SPICE1: variants seen among roughly 807,000 people sequenced by gnomAD.
SPICE1 encodes the protein spindle and centriole-associated protein 1.
SPICE1 carries 75 observed loss-of-function variants against 102.7 expected under a neutral mutation model. That is an observed-to-expected ratio of 0.73 (90% CI 0.61 to 0.88). The LOEUF is 0.88. Ranked by LOEUF, SPICE1 falls within the 40% of genes least tolerant of loss-of-function variation. The probability of loss-of-function intolerance (pLI) is 0.00; values close to 1 mark genes in which losing one functional copy is unlikely to be tolerated. For synonymous variants in SPICE1, 308 were observed against 350.3 expected (o/e 0.88, Z 1.35); for missense variants, 979 against 1,020.1 (o/e 0.96, Z 0.55).
intron 1 of SPICE1, 56 bp from the exon 2 acceptor site, chr3:113,506,661 A>G: frequency 7.3e-7 from 1 of 1,375,522 alleles, no homozygotes; most frequent in Non-Finnish European, 1.0e-6. Flanking sequence ...AATAAGCATC[A>G]CCAGAGTGGG....
intron 12 of SPICE1, among the ~76,000 whole-genome samples, chr3:113,457,589 C>CA (rs1935809252): frequency 6.6e-6 from 1 of 152,116 alleles, no homozygotes; most frequent in South Asian, 2.1e-4. Context: ...ACTAAGGCCT[C>CA]AAAGCCATGA....
chr3:113,495,098 G>C (rs1261577191), intron 4 of SPICE1, among the ~76,000 whole-genome samples: 1 of 152,130 alleles, frequency 6.6e-6, no homozygotes, highest in East Asian at 1.9e-4. Context: ...AACACAAAAA[G>C]TAACATTACA....
chr3:113,471,128 C>G (rs545771073), intron 7 of SPICE1, among the ~76,000 whole-genome samples: 1 of 151,482 alleles, frequency 6.6e-6, no homozygotes, highest in South Asian at 2.1e-4. Flanking sequence ...ACTGGAAGGA[C>G]CATGGTAGGC....
At chr3:113,490,797 A>T (rs1187387578) in intron 6 of SPICE1, among the ~76,000 whole-genome samples, 1 of 152,152 alleles carries the variant, frequency 6.6e-6, no homozygotes, top group Admixed American at 6.5e-5. Context: ...GCAAATGAGG[A>T]GTTATCCTTC....
At chr3:113,487,825 C>T (rs1490586756) in intron 7 of SPICE1, among the ~76,000 whole-genome samples, 3 of 152,160 alleles carry the variant, frequency 2.0e-5, no homozygotes, top group Non-Finnish European at 4.4e-5. Context: ...CTTGATATGA[C>T]ACATTGAGGA....
intron 12 of SPICE1, among the ~76,000 whole-genome samples, chr3:113,458,524 C>T (rs1025765490): frequency 1.3e-5 from 2 of 152,212 alleles, no homozygotes; most frequent in Admixed American, 6.5e-5. Context: ...CTCAATGTTG[C>T]CCAGGCTGGA....
rs773667647 is a variant in SPICE1, at chr3:113,453,970, A to C, written c.1658-20T>G. Reference sequence around the variant, plus strand: ...TCAATACTATAGATAAGAATTTAAAAATAACAAATATGTATTATTTTCCCA... The same window carrying C: ...TCAATACTATAGATAAGAATTTAAACATAACAAATATGTATTATTTTCCCA... On this transcript the variant is annotated intron_variant, in intron 13 of 17. Transcript: ENST00000295872. The C allele has an allele frequency of 6.4e-6, 10 of 1,554,234 alleles. No homozygotes were observed. The African/African-American group carries it at 1.1e-4, about 17-fold the overall frequency.
chr3:113,445,091 A>G lies in SPICE1; in HGVS notation c.*216T>C, dbSNP rs1935482298. ...ACAAAACTTTAACTTCTCTACAGTC[A>G]AAGTTTCATTCACAGGGAGCTGTAG... On this transcript the variant is annotated 3_prime_UTR_variant, in exon 18 of 18. Coordinates refer to ENST00000295872, the MANE Select transcript of SPICE1 (RefSeq NM_144718.4). 1 of 402,344 alleles carries G rather than the reference A, an allele frequency of 2.5e-6. No individual in the cohort carries two copies. The highest frequency in any genetic ancestry group is 2.0e-5 in the African/African-American group (1 of 48,782). The allele number at this position is 402,344 out of a possible 1,614,324, so 24.9% of individuals were successfully genotyped here. A position where few individuals can be genotyped will look rare whatever the true frequency, so the allele number is the denominator to read the frequency against.
intron 7 of SPICE1, among the ~76,000 whole-genome samples, chr3:113,479,658 C>T (rs1576636296): frequency 1.3e-5 from 2 of 152,104 alleles, no homozygotes; most frequent in African/African-American, 4.8e-5. Flanking sequence ...ACTTTTTAGA[C>T]AATTCTTAAG....
At chr3:113,503,297 A>G in intron 2 of SPICE1, 70 bp from the exon 3 acceptor site, 1 of 1,405,170 alleles carries the variant, frequency 7.1e-7, no homozygotes, top group East Asian at 2.6e-5. Context: ...CATTTATTGG[A>G]TTTTAATGGC....
chr3:113,512,325 GT>G (rs1455663143), intron 1 of SPICE1, among the ~76,000 whole-genome samples: 2 of 151,028 alleles, frequency 1.3e-5, no homozygotes, highest in East Asian at 3.9e-4. Flanking sequence ...TTTAGCACCT[GT>G]ATTTACTAAT....
chr3:113,465,265 G>A (rs909943927), intron 11 of SPICE1, among the ~76,000 whole-genome samples: 4 of 152,196 alleles, frequency 2.6e-5, no homozygotes, highest in African/African-American at 7.2e-5. Context: ...GTGAACAACT[G>A]TAAATGGCTC....
chr3:113,514,950 C>T lies in SPICE1; in HGVS notation c.-54G>A. 2.1e-6 allele frequency: 2 copies of T among 965,070 alleles called. No homozygotes were observed. Among genetic ancestry groups the T allele is most frequent in the South Asian group, 1.7e-5 (1 of 57,662 alleles). The allele number at this position is 965,070 out of a possible 1,614,324, so 59.8% of individuals were successfully genotyped here. ...TGCGCTTCCTGAAGTAAGGATTCCCCAACCGGGCGCCTGGATCCCAGGCAA... is the reference window on the plus strand; with the variant it reads ...TGCGCTTCCTGAAGTAAGGATTCCCTAACCGGGCGCCTGGATCCCAGGCAA... On this transcript the variant is annotated 5_prime_UTR_variant, in exon 1 of 18. Coordinates refer to ENST00000295872, the MANE Select transcript of SPICE1 (RefSeq NM_144718.4).
At chr3:113,483,802 C>T (rs1259371738) in intron 7 of SPICE1, among the ~76,000 whole-genome samples, 1 of 152,164 alleles carries the variant, frequency 6.6e-6, no homozygotes, top group African/African-American at 2.4e-5. Context: ...AGGATTTTTG[C>T]ATCGATGTTC....
intron 7 of SPICE1, among the ~76,000 whole-genome samples, chr3:113,474,618 C>T (rs1304391201): frequency 1.3e-5 from 2 of 152,126 alleles, no homozygotes; most frequent in Non-Finnish European, 2.9e-5. Context: ...CAAACTAGAA[C>T]TCAGGATTAA....
chr3:113,474,417 TC>T (rs1345435335), intron 7 of SPICE1, among the ~76,000 whole-genome samples: 1 of 152,176 alleles, frequency 6.6e-6, no homozygotes, highest in Non-Finnish European at 1.5e-5. Flanking sequence ...GGAATTGAAC[TC>T]AGCTCTGCAC....
At chr3:113,474,126 G>A (rs1449415231) in intron 7 of SPICE1, among the ~76,000 whole-genome samples, 4 of 151,160 alleles carry the variant, frequency 2.6e-5, no homozygotes. Context: ...AAAAAGGCAG[G>A]GGTTGCAATC....
chr3:113,505,472 A>T (rs575279924), intron 2 of SPICE1, among the ~76,000 whole-genome samples: 1 of 152,332 alleles, frequency 6.6e-6, no homozygotes, highest in Non-Finnish European at 1.5e-5. Flanking sequence ...TCTGGCTAAC[A>T]TGGTAGGTTG....
At chr3:113,484,492 C>T (rs1936596536) in intron 7 of SPICE1, among the ~76,000 whole-genome samples, 1 of 152,042 alleles carries the variant, frequency 6.6e-6, no homozygotes. Flanking sequence ...TTAGATCTTT[C>T]CTGCTTTCTC....
Sources: gnomAD v4.1 joint callset for allele counts (sites outside exome capture counted in the v4.1 genomes callset) on GRCh38, gnomAD v4.1.1 for gene constraint, MANE v1.5 for transcripts, NCBI Gene and HGNC (gene_info 2026-07-23, HGNC 2026-07-21) for gene names.